Variants in ST18 observed in about 807,000 individuals in gnomAD.
The protein encoded by ST18 is ST18 C2H2C-type zinc finger transcription factor, also known as suppression of tumorigenicity 18 protein.
ST18 carries 50 observed loss-of-function variants against 110.0 expected under a neutral mutation model. That is an observed-to-expected ratio of 0.45 (90% CI 0.36 to 0.58). The LOEUF is 0.58. Ranked by LOEUF, ST18 falls within the 20% of genes least tolerant of loss-of-function variation. The pLI is 0.00. For missense variants in ST18, 1,306 were observed against 1,280.1 expected, an observed-to-expected ratio of 1.02 and a Z score of -0.31; for synonymous variants, 461 against 452.4, an observed-to-expected ratio of 1.02 and a Z score of -0.24.
At chr8:52,240,303 A>G (rs1343404602) in intron 2 of ST18, among the ~76,000 whole-genome samples, 1 of 152,202 alleles carries the variant, frequency 6.6e-6, no homozygotes, top group Non-Finnish European at 1.5e-5. Context: ...AATAATTAAT[A>G]AAAACTAACA....
intron 17 of ST18, among the ~76,000 whole-genome samples, chr8:52,140,479 G>A (rs1010157051): frequency 7.9e-5 from 12 of 151,982 alleles, no homozygotes; most frequent in African/African-American, 1.4e-4. Context: ...AGCCGAGAAC[G>A]CACCACTGAA....
chr8:52,237,800 C>T (rs2092884530), intron 2 of ST18, among the ~76,000 whole-genome samples: 3 of 152,120 alleles, frequency 2.0e-5, no homozygotes. Context: ...GGATGCAAAA[C>T]CATATGCCAT....
At chr8:52,191,431 T>C (rs1341920566) in intron 8 of ST18, among the ~76,000 whole-genome samples, 8 of 152,094 alleles carry the variant, frequency 5.3e-5, no homozygotes, top group Admixed American at 1.3e-4. Context: ...CATCATGAGA[T>C]GGAAGGTCCA....
chr8:52,200,496 G>A (rs1319116798), intron 8 of ST18, among the ~76,000 whole-genome samples: 1 of 152,268 alleles, frequency 6.6e-6, no homozygotes, highest in Admixed American at 6.5e-5. Flanking sequence ...AGTTGGGTAG[G>A]GGGCAATGAA....
chr8:52,264,463 C>T lies in ST18; in HGVS notation c.-464-34386G>A, dbSNP rs1029995233. On this transcript the variant is annotated intron_variant, in intron 2 of 25. Coordinates refer to ENST00000689386, the MANE Select transcript of ST18 (RefSeq NM_001352837.2). ...GGGTGGCTGAGATATTTATCTGAAG[C>T]TACGGACACTAGCAGGAGAGAATGA... Among the ~76,000 whole-genome samples, 4 of 152,248 alleles carry T rather than the reference C, an allele frequency of 2.6e-5. No individual in the cohort carries two copies. In the South Asian group the frequency reaches 8.3e-4, roughly 32 times the overall value.
chr8:52,379,102 C>CTTTTTT lies in ST18; in HGVS notation c.-465+30220_-465+30225dup, dbSNP rs35639924. Among the ~76,000 whole-genome samples the CTTTTTT allele has an allele frequency of 2.2e-4, 32 of 145,672 alleles. 1 individual carries two copies. The highest frequency in any genetic ancestry group is 1.0e-3 in the East Asian group (5 of 4,974). On this transcript the variant is annotated intron_variant, in intron 2 of 25. Coordinates refer to ENST00000689386, the MANE Select transcript of ST18 (RefSeq NM_001352837.2). The stretch of plus-strand genomic sequence containing the variant: ...AGAATAAAATCTATTTCTTTTCTTT[C>CTTTTTT]TTTTTTTTTTTTTTGAGACAGGGTC...
At chr8:52,388,258 G>A (rs1837677317) in intron 2 of ST18, among the ~76,000 whole-genome samples, 1 of 151,956 alleles carries the variant, frequency 6.6e-6, no homozygotes, top group South Asian at 2.1e-4. Context: ...CCAGGAAAAC[G>A]CCAGCGCGCT....
At chr8:52,178,011 A>G (rs1170328496) in intron 9 of ST18, among the ~76,000 whole-genome samples, 2 of 152,190 alleles carry the variant, frequency 1.3e-5, no homozygotes, top group African/African-American at 2.4e-5. Context: ...TAGTTAGCCT[A>G]TTTTTGTGAA....
chr8:52,289,242 G>T (rs2095517063), intron 2 of ST18, among the ~76,000 whole-genome samples: 1 of 152,174 alleles, frequency 6.6e-6, no homozygotes, highest in Non-Finnish European at 1.5e-5. Context: ...AGCAATTTGA[G>T]AGGCCAAGGC....
chr8:52,409,011 G>T (rs567485920), intron 2 of ST18: 1 of 152,364 alleles, frequency 6.6e-6, no homozygotes, highest in Non-Finnish European at 1.5e-5. Context: ...TACTGTACAA[G>T]TAACATTTGC....
chr8:52,134,371 T>C (rs2051105304), intron 19 of ST18, among the ~76,000 whole-genome samples: 1 of 152,064 alleles, frequency 6.6e-6, no homozygotes, highest in African/African-American at 2.4e-5. Flanking sequence ...ACGCAGACTT[T>C]CACCTTTTTG....
intron 2 of ST18, among the ~76,000 whole-genome samples, chr8:52,275,232 T>C (rs1341261680): frequency 6.6e-6 from 1 of 152,120 alleles, no homozygotes; most frequent in Non-Finnish European, 1.5e-5. Context: ...AACCCAGAAA[T>C]AGGGAAACTA....
Position 52,231,770 on chromosome 8 carries a change from C to T in ST18, c.-464-1693G>A, listed in dbSNP as rs1193706195. ...GATTACAGGTGTGAGCTGCAGTGCC[C>T]GGCCGGGTGGCTTCTTAAGTGGCAC... On this transcript the variant is annotated intron_variant, in intron 2 of 25. Coordinates refer to ENST00000689386, the MANE Select transcript of ST18 (RefSeq NM_001352837.2). Among the ~76,000 whole-genome samples, 6 of 152,204 alleles carry T rather than the reference C, an allele frequency of 3.9e-5. No homozygotes were observed. In the East Asian group the frequency reaches 7.7e-4, roughly 20 times the overall value.
At chr8:52,359,405 A>G (rs550178934) in intron 2 of ST18, among the ~76,000 whole-genome samples, 4 of 152,248 alleles carry the variant, frequency 2.6e-5, no homozygotes, top group African/African-American at 7.2e-5. Context: ...CGAACCTGCC[A>G]TAACCACAAT....
At chr8:52,212,948 C>A (rs1409458543) in intron 7 of ST18, among the ~76,000 whole-genome samples, 1 of 152,160 alleles carries the variant, frequency 6.6e-6, no homozygotes. Flanking sequence ...AATACACACT[C>A]TAGCATGCTG....
At chr8:52,361,960 T>C (rs1825924520) in intron 2 of ST18, among the ~76,000 whole-genome samples, 1 of 152,178 alleles carries the variant, frequency 6.6e-6, no homozygotes, top group Admixed American at 6.5e-5. Context: ...TTTCTACAGG[T>C]TTTGCTTCAG....
At chr8:52,224,307 A>G (rs534318616) in intron 3 of ST18, among the ~76,000 whole-genome samples, 5 of 152,338 alleles carry the variant, frequency 3.3e-5, no homozygotes, top group African/African-American at 1.2e-4. Flanking sequence ...TAGAATTGGT[A>G]TTTTCAACAT....
At chr8:52,337,261 A>G (rs918738938) in intron 2 of ST18, among the ~76,000 whole-genome samples, 4 of 152,240 alleles carry the variant, frequency 2.6e-5, no homozygotes, top group African/African-American at 7.2e-5. Context: ...GAGAAATACA[A>G]TAACAAGAGC....
At chr8:52,261,102 T>C (rs999817992) in intron 2 of ST18, among the ~76,000 whole-genome samples, 9 of 152,200 alleles carry the variant, frequency 5.9e-5, no homozygotes, top group South Asian at 2.1e-4. Flanking sequence ...GTGAGGATGA[T>C]ATGCCGTGCT....
Sources: allele counts gnomAD v4.1 joint callset (sites outside exome capture counted in the v4.1 genomes callset), GRCh38; gene constraint gnomAD v4.1.1; transcripts MANE v1.5; gene names NCBI Gene and HGNC (gene_info 2026-07-23, HGNC 2026-07-21).